The following DLGAP1 variants were observed in gnomAD, a reference collection of about 807,000 sequenced individuals.
DLGAP1 encodes the protein DLG associated protein 1, also known as disks large-associated protein 1.
DLGAP1 carries 11 observed loss-of-function variants against 90.8 expected under a neutral mutation model. The observed-to-expected ratio is 0.12, with a 90% CI of 0.08 to 0.20. The LOEUF is 0.20. Ranked by LOEUF, DLGAP1 falls within the 10% of genes least tolerant of loss-of-function variation. The pLI, the probability that DLGAP1 is intolerant of heterozygous loss-of-function variation, is 1.00. For missense variants in DLGAP1, 1,050 were observed against 1,333.8 expected (o/e 0.79, Z 3.31); for synonymous variants, 558 against 540.7 (o/e 1.03, Z -0.44).
chr18:3,920,352 C>CAAAAA lies in DLGAP1; in HGVS notation c.-72-40217_-72-40213dup, dbSNP rs34353326. On this transcript the variant is annotated intron_variant, in intron 3 of 12. Coordinates refer to ENST00000315677, the MANE Select transcript of DLGAP1 (RefSeq NM_004746.4). ...TTCAGCGACTGAGGGAGACTCTGTC[C>CAAAAA]AAAAAAAAAAAAAAAAAAAAAGCAC... Among the ~76,000 whole-genome samples, 2 of 75,522 alleles carry CAAAAA rather than the reference C, an allele frequency of 2.6e-5. 1 individual carries two copies. Among genetic ancestry groups the CAAAAA allele is most frequent in the Non-Finnish European group, 4.9e-5 (2 of 40,818 alleles). The allele number at this position is 75,522 out of a possible 152,430, so 49.5% of individuals were successfully genotyped here.
intron 2 of DLGAP1, among the ~76,000 whole-genome samples, chr18:4,117,235 T>C (rs1185673320): frequency 1.3e-5 from 2 of 152,192 alleles, no homozygotes; most frequent in African/African-American, 2.4e-5. Context: ...GCATCCAGAA[T>C]TTTGAGAAAA....
Position 3,707,699 on chromosome 18 carries a change from G to T in DLGAP1, c.1591+21436C>A, listed in dbSNP as rs570015066. ...CTACACTGTAATCGTGGATATATTT[G>T]TCTGTTTTCCTGCATTGGTGCTGCG... is the stretch of plus-strand genomic sequence containing the variant. On this transcript the variant is annotated intron_variant, in intron 7 of 12. Transcript: ENST00000315677. Among the ~76,000 whole-genome samples the T allele has an allele frequency of 2.6e-5, 4 of 152,098 alleles. No individual in the cohort carries two copies. The South Asian group carries it at 6.2e-4, about 24-fold the overall frequency.
intron 1 of DLGAP1, among the ~76,000 whole-genome samples, chr18:4,193,734 G>A (rs1046496686): frequency 5.3e-5 from 8 of 152,186 alleles, no homozygotes; most frequent in African/African-American, 1.9e-4. Context: ...ACTTGAGAAG[G>A]GAAATCCAGA....
At chr18:3,712,102 GA>G (rs2061614259) in intron 7 of DLGAP1, among the ~76,000 whole-genome samples, 1 of 152,200 alleles carries the variant, frequency 6.6e-6, no homozygotes, top group African/African-American at 2.4e-5. Flanking sequence ...TTCTGCTCCT[GA>G]AGGCTGAGGC....
chr18:3,583,188 T>G (rs772872902), intron 7 of DLGAP1, among the ~76,000 whole-genome samples: 1 of 115,398 alleles, frequency 8.7e-6, no homozygotes, highest in South Asian at 3.0e-4. Context: ...CTACCTACCT[T>G]CCTTCCTTCC....
chr18:3,784,943 C>T (rs768346755), intron 5 of DLGAP1, among the ~76,000 whole-genome samples: 7 of 152,162 alleles, frequency 4.6e-5, no homozygotes, highest in Non-Finnish European at 1.0e-4. Context: ...TACAACCACG[C>T]TCCTGCTGCA....
intron 7 of DLGAP1, among the ~76,000 whole-genome samples, chr18:3,635,153 G>T (rs1204301334): frequency 3.4e-4 from 50 of 148,128 alleles, no homozygotes; most frequent in Admixed American, 8.7e-4. Context: ...TTTTTTGAGA[G>T]GGAGTCTCGC....
At chr18:4,226,287 T>C (rs2078185509) in intron 1 of DLGAP1, among the ~76,000 whole-genome samples, 1 of 152,074 alleles carries the variant, frequency 6.6e-6, no homozygotes, top group Non-Finnish European at 1.5e-5. Context: ...ACCTGTCCTA[T>C]AAGAAAAGCT....
chr18:3,682,574 C>T (rs1306533279), intron 7 of DLGAP1, among the ~76,000 whole-genome samples: 1 of 152,190 alleles, frequency 6.6e-6, no homozygotes, highest in Non-Finnish European at 1.5e-5. Context: ...ATTTATGAGT[C>T]AGAAGGCCTA....
chr18:3,649,469 T>TAC (rs2146419217), intron 7 of DLGAP1, among the ~76,000 whole-genome samples: 1 of 152,328 alleles, frequency 6.6e-6, no homozygotes, highest in East Asian at 1.9e-4. Context: ...AGCAGTGTGC[T>TAC]ACACCATGAT....
At chr18:4,214,277 G>A (rs1161574389) in intron 1 of DLGAP1, among the ~76,000 whole-genome samples, 1 of 151,788 alleles carries the variant, frequency 6.6e-6, no homozygotes, top group Non-Finnish European at 1.5e-5. Flanking sequence ...ATTACAGACT[G>A]ATCAGGGCAT....
chr18:3,934,681 G>A (rs7232814), intron 3 of DLGAP1, among the ~76,000 whole-genome samples: 11,051 of 152,246 alleles, frequency 0.073, 827 homozygotes, highest in African/African-American at 0.19. Context: ...CACACACGCT[G>A]TCTATGTCAT....
At position 4,165,044 on chromosome 18, in the gene DLGAP1, A is replaced by C. The variant is rs549786028; in HGVS notation, c.-266-13757T>G. ...AAAATCCAAATTCATATCCTTAAAA[A>C]GAATGGAGAGAGGGTGGGGCTGAAA... On this transcript the variant is annotated intron_variant, in intron 1 of 12. Coordinates refer to ENST00000315677, the MANE Select transcript of DLGAP1 (RefSeq NM_004746.4). Among the ~76,000 whole-genome samples, 11 of 152,302 alleles carry C rather than the reference A, an allele frequency of 7.2e-5. No individual in the cohort carries two copies. The South Asian group carries it at 2.3e-3, about 32-fold the overall frequency.
intron 5 of DLGAP1, among the ~76,000 whole-genome samples, chr18:3,794,119 T>C (rs4797125): frequency 0.14 from 21,687 of 152,152 alleles, 1,992 homozygotes; most frequent in East Asian, 0.39. Context: ...TTCCTAACTC[T>C]GCACGTCTCC....
chr18:4,437,932 C>A (rs190046694), intron 1 of DLGAP1, among the ~76,000 whole-genome samples: 1 of 152,264 alleles, frequency 6.6e-6, no homozygotes, highest in East Asian at 1.9e-4. Flanking sequence ...GTGAAACTGG[C>A]ATTTCTACTT....
chr18:3,917,695 G>A (rs888466467), intron 3 of DLGAP1, among the ~76,000 whole-genome samples: 1 of 152,146 alleles, frequency 6.6e-6, no homozygotes, highest in African/African-American at 2.4e-5. Flanking sequence ...TGACAATTGT[G>A]AGGCATACGT....
intron 7 of DLGAP1, among the ~76,000 whole-genome samples, chr18:3,714,479 C>A (rs2061693383): frequency 6.6e-6 from 1 of 152,154 alleles, no homozygotes; most frequent in Non-Finnish European, 1.5e-5. Flanking sequence ...CTCTGGATAA[C>A]ACGTACAGTT....
intron 7 of DLGAP1, among the ~76,000 whole-genome samples, chr18:3,724,289 A>G (rs1482862779): frequency 6.6e-6 from 1 of 151,986 alleles, no homozygotes; most frequent in Non-Finnish European, 1.5e-5. Flanking sequence ...AGCCATAATC[A>G]CACCACTGCA....
intron 1 of DLGAP1, among the ~76,000 whole-genome samples, chr18:4,357,955 T>G (rs2081557235): frequency 6.6e-6 from 1 of 152,260 alleles, no homozygotes; most frequent in South Asian, 2.1e-4. Flanking sequence ...ACTGTGAGTT[T>G]GTAGATTATA....
Sources: gnomAD v4.1 joint callset for allele counts (sites outside exome capture counted in the v4.1 genomes callset) on GRCh38, gnomAD v4.1.1 for gene constraint, MANE v1.5 for transcripts, NCBI Gene and HGNC (gene_info 2026-07-23, HGNC 2026-07-21) for gene names.